RFX3: variants seen among roughly 807,000 people sequenced by gnomAD.
RFX3 encodes the protein regulatory factor X3.
In RFX3, 14 loss-of-function variants were observed where a neutral mutation model predicts 98.6. The ratio of observed to expected loss-of-function variants is 0.14; its 90% CI spans 0.09 to 0.22. The LOEUF is 0.22. Ranked by LOEUF, RFX3 falls within the 10% of genes least tolerant of loss-of-function variation. RFX3 has a pLI of 1.00. For missense variants in RFX3, 639 were observed against 926.9 expected, an observed-to-expected ratio of 0.69 and a Z score of 4.03; for synonymous variants, 383 against 328.4, an observed-to-expected ratio of 1.17 and a Z score of -1.80.
rs182812612 is a variant in RFX3 at position 3,501,426 on chromosome 9, G to T, written c.-9+24321C>A. Among the ~76,000 whole-genome samples the T allele has an allele frequency of 4.2e-3, 639 of 151,674 alleles. 3 individuals are homozygous for T. Among genetic ancestry groups the T allele is most frequent in the African/African-American group, 0.014 (598 of 41,364 alleles). ...AAAAGAAAAATAAAATTACTCCGAG[G>T]GCCATAAAAATATTATTTCTCCTGA... is the stretch of plus-strand genomic sequence containing the variant. On this transcript the variant is annotated intron_variant, in intron 1 of 16. Transcript: ENST00000617270.
intron 15 of RFX3, among the ~76,000 whole-genome samples, chr9:3,239,731 C>CA (rs1265793870): frequency 6.6e-6 from 1 of 152,240 alleles, no homozygotes; most frequent in East Asian, 1.9e-4. Flanking sequence ...CCAAGACCCA[C>CA]ACTATGGAGA....
At chr9:3,451,454 G>A (rs946687666) in intron 1 of RFX3, among the ~76,000 whole-genome samples, 10 of 152,200 alleles carry the variant, frequency 6.6e-5, no homozygotes, top group Admixed American at 1.3e-4. Context: ...TGAGGTAGGA[G>A]GATGGCTCAA....
intron 2 of RFX3, among the ~76,000 whole-genome samples, chr9:3,378,928 T>G (rs919978452): frequency 6.6e-6 from 1 of 152,176 alleles, no homozygotes; most frequent in Admixed American, 6.5e-5. Flanking sequence ...ATACATCAGA[T>G]AGTGACTGCT....
In RFX3 at chr9:3,395,409, G is replaced by A. The variant is rs1057501544; in HGVS notation, c.117+63C>T. On this transcript the variant is annotated intron_variant, in intron 2 of 16. Coordinates refer to ENST00000617270, the MANE Select transcript of RFX3 (RefSeq NM_001282116.2). The stretch of plus-strand genomic sequence containing the variant: ...AAGTTCAAATAATTTTTGGATACAG[G>A]TATGTTGGACAGCCAACATAATGAA... 110 of 1,569,916 alleles carry A rather than the reference G, an allele frequency of 7.0e-5. No individual in the cohort carries two copies. The Middle Eastern group carries it at 1.0e-3, about 14-fold the overall frequency.
chr9:3,504,940 A>C (rs1564185877), intron 1 of RFX3, among the ~76,000 whole-genome samples: 5 of 72,444 alleles, frequency 6.9e-5, no homozygotes, highest in African/African-American at 3.3e-4. Context: ...TATATAATAT[A>C]TATAATATAA....
intron 1 of RFX3, among the ~76,000 whole-genome samples, chr9:3,422,170 C>T (rs77524421): frequency 0.044 from 6,714 of 152,218 alleles, 519 homozygotes; most frequent in African/African-American, 0.15. Flanking sequence ...GAAAACTCTT[C>T]AGCTAAATCT....
At chr9:3,341,343 A>G (rs1833868648) in intron 3 of RFX3, among the ~76,000 whole-genome samples, 1 of 152,002 alleles carries the variant, frequency 6.6e-6, no homozygotes, top group African/African-American at 2.4e-5. Flanking sequence ...AGCATGGCAC[A>G]TGTATACATA....
rs561857543 is a variant in RFX3, at chr9:3,524,505, T to C, written c.-9+1242A>G. On this transcript the variant is annotated intron_variant, in intron 1 of 16. Coordinates refer to ENST00000617270, the MANE Select transcript of RFX3 (RefSeq NM_001282116.2). ...GTTTCAAGTTGAGAACCTTCATACA[T>C]TCTTTATGAACTTGACTTGAATTTC... is the stretch of plus-strand genomic sequence containing the variant. 3.1e-6 allele frequency: 3 copies of C among 982,434 alleles called. No homozygotes were observed. The South Asian group carries it at 1.4e-4, about 46-fold the overall frequency. The allele number at this position is 982,434 out of a possible 1,614,324, so 60.9% of individuals were successfully genotyped here. A position where few individuals can be genotyped will look rare whatever the true frequency, so the allele number is the denominator to read the frequency against.
In RFX3 at chr9:3,316,942, C is replaced by T. The variant is rs1830681410; in HGVS notation, c.474+13317G>A. 2.0e-5 allele frequency among the ~76,000 whole-genome samples: 3 copies of T among 152,228 alleles called. 1 individual carries two copies. The South Asian group carries it at 6.2e-4, about 32-fold the overall frequency. The stretch of plus-strand genomic sequence containing the variant: ...CAATATCGTGAAAATGGCCATACTG[C>T]CCAAGGTAATTTATAGATTCAATGC... On this transcript the variant is annotated intron_variant, in intron 4 of 16. Transcript: ENST00000617270.
intron 1 of RFX3, among the ~76,000 whole-genome samples, chr9:3,433,946 C>T (rs1238440080): frequency 6.6e-6 from 1 of 152,146 alleles, no homozygotes; most frequent in Non-Finnish European, 1.5e-5. Context: ...CAAAAATAGG[C>T]AGCCAGGCGG....
chr9:3,399,089 T>G (rs962835595), intron 1 of RFX3, among the ~76,000 whole-genome samples: 1 of 151,778 alleles, frequency 6.6e-6, no homozygotes, highest in South Asian at 2.1e-4. Context: ...TCAGAGTGAT[T>G]ACAAAATTCT....
chr9:3,268,852 T>C (rs976637760), intron 11 of RFX3, among the ~76,000 whole-genome samples: 3 of 151,958 alleles, frequency 2.0e-5, no homozygotes, highest in Non-Finnish European at 4.4e-5. Context: ...ATGTTGTTGA[T>C]TTGCCTCAAA....
chr9:3,457,597 G>A (rs1309384848), intron 1 of RFX3, among the ~76,000 whole-genome samples: 1 of 152,002 alleles, frequency 6.6e-6, no homozygotes, highest in East Asian at 1.9e-4. Flanking sequence ...ATCTGAACAT[G>A]TTCCAGTACT....
intron 1 of RFX3, among the ~76,000 whole-genome samples, chr9:3,476,233 T>A (rs548992439): frequency 6.6e-6 from 1 of 151,618 alleles, no homozygotes; most frequent in African/African-American, 2.4e-5. Flanking sequence ...TCTATGTAGA[T>A]CTAGTATAAC....
At chr9:3,344,684 C>A (rs182102642) in intron 3 of RFX3, 2 of 596,404 alleles carry the variant, frequency 3.4e-6, no homozygotes, top group African/African-American at 1.9e-5. Flanking sequence ...TGCAGGTGCC[C>A]ATTACTACTT....
intron 1 of RFX3, among the ~76,000 whole-genome samples, chr9:3,436,985 T>C (rs1292690645): frequency 6.6e-6 from 1 of 152,104 alleles, no homozygotes; most frequent in African/African-American, 2.4e-5. Flanking sequence ...TCCACGTTTT[T>C]GTTAGGAAGT....
At chr9:3,365,500 T>C (rs1473544010) in intron 2 of RFX3, among the ~76,000 whole-genome samples, 1 of 152,112 alleles carries the variant, frequency 6.6e-6, no homozygotes, top group African/African-American at 2.4e-5. Flanking sequence ...AAAATAGCTG[T>C]TTCATTGTAT....
At chr9:3,237,277 C>T (rs1819290352) in intron 15 of RFX3, among the ~76,000 whole-genome samples, 1 of 152,082 alleles carries the variant, frequency 6.6e-6, no homozygotes, top group Non-Finnish European at 1.5e-5. Context: ...CTTTGATTAC[C>T]ACTTTGGCTA....
chr9:3,521,569 G>A (rs527998966), intron 1 of RFX3, among the ~76,000 whole-genome samples: 2 of 152,152 alleles, frequency 1.3e-5, no homozygotes, highest in East Asian at 3.8e-4. Flanking sequence ...CAGAATTGTA[G>A]AGTAAAAGTG....
Sources: allele counts gnomAD v4.1 joint callset (sites outside exome capture counted in the v4.1 genomes callset), GRCh38; gene constraint gnomAD v4.1.1; transcripts MANE v1.5; gene names NCBI Gene and HGNC (gene_info 2026-07-23, HGNC 2026-07-21).